PDE6B: variants seen among roughly 807,000 people sequenced by gnomAD.
The protein encoded by PDE6B is rod cGMP-specific 3',5'-cyclic phosphodiesterase subunit beta.
PDE6B carries 106 observed loss-of-function variants against 109.0 expected under a neutral mutation model. That is an observed-to-expected ratio of 0.97 (90% confidence interval 0.83 to 1.14). The LOEUF (loss-of-function observed/expected upper bound fraction) is 1.14, where lower values mean the gene tolerates loss of function less well. Among genes scored for constraint, PDE6B ranks in the 50% most tolerant of loss-of-function variants. The pLI, the probability that PDE6B is intolerant of heterozygous loss-of-function variation, is 0.00. For synonymous variants in PDE6B, 490 were observed against 471.3 expected (o/e 1.04, Z -0.51); for missense variants, 1,193 against 1,155.6 (o/e 1.03, Z -0.47).
chr4:668,476 ATG>A (rs1738059921), intron 21 of PDE6B, among the ~76,000 whole-genome samples: 5 of 132,364 alleles, frequency 3.8e-5, no homozygotes, highest in East Asian at 2.2e-4. Flanking sequence ...CCACTACCCC[ATG>A]CTGCTCCCAC....
Position 663,630 on chromosome 4 carries a change from C to T in PDE6B, c.1921-140C>T. ...CCTGAGGAGGGCCCTGAGCAGCAGGCGGATTAGGGGTCCCGCCCACCGAGG... is the reference window on the plus strand; with the variant it reads ...CCTGAGGAGGGCCCTGAGCAGCAGGTGGATTAGGGGTCCCGCCCACCGAGG... On this transcript the variant is annotated intron_variant, in intron 15 of 21. Coordinates refer to ENST00000496514, the MANE Select transcript of PDE6B (RefSeq NM_000283.4). The surrounding 1 kb of genome is among the most constrained non-coding windows in gnomAD (Gnocchi z 4.0). 1 of 703,208 alleles carries T rather than the reference C, an allele frequency of 1.4e-6. No homozygotes were observed. 43.6% of individuals were successfully genotyped at this position (703,208 alleles called of 1,614,324 possible).
chr4:631,754 T>A (rs1364999212), intron 1 of PDE6B, among the ~76,000 whole-genome samples: 1 of 152,056 alleles, frequency 6.6e-6, no homozygotes, highest in Non-Finnish European at 1.5e-5. Flanking sequence ...TGTGGGTCCA[T>A]GTGGCACCAT....
At chr4:644,171 C>T (rs1735089937) in intron 3 of PDE6B, among the ~76,000 whole-genome samples, 1 of 151,952 alleles carries the variant, frequency 6.6e-6, no homozygotes, top group Non-Finnish European at 1.5e-5. Flanking sequence ...CCCGCCTCGG[C>T]CTCCCAAAGT....
intron 3 of PDE6B, among the ~76,000 whole-genome samples, chr4:645,231 G>T (rs1178016444): frequency 6.6e-6 from 1 of 151,000 alleles, no homozygotes; most frequent in African/African-American, 2.4e-5. Context: ...ATAGGGTCAG[G>T]TCTTAGTTCT....
chr4:669,919 T>C, intron 21 of PDE6B, 127 bp from the exon 22 acceptor site: 1 of 795,618 alleles, frequency 1.3e-6, no homozygotes, highest in South Asian at 1.4e-5. Context: ...CGGCTTGGGC[T>C]GGTCACAGAC....
chr4:646,805 C>T (rs1054074353), intron 3 of PDE6B, among the ~76,000 whole-genome samples: 1 of 152,020 alleles, frequency 6.6e-6, no homozygotes, highest in Non-Finnish European at 1.5e-5. Flanking sequence ...CCATCTGCTC[C>T]GGTGCGCTGC....
chr4:663,959 C>T lies in PDE6B; in HGVS notation c.2021+89C>T. ...CACGGGGGCGCAGCGGCGGCACAGC[C>T]CGGGGGACGCAGCCCCGGATTCCGT... On this transcript the variant is annotated intron_variant, in intron 16 of 21. Transcript: ENST00000496514. The surrounding 1 kb of genome is among the most constrained non-coding windows in gnomAD (Gnocchi z 4.0). 2.0e-5 allele frequency: 22 copies of T among 1,127,040 alleles called. No individual in the cohort carries two copies. The highest frequency in any genetic ancestry group is 2.3e-5 in the Non-Finnish European group (18 of 769,886). 69.8% of individuals were successfully genotyped at this position (1,127,040 alleles called of 1,614,324 possible).
At chr4:653,335 G>C (rs1451298130) in intron 3 of PDE6B, 2 of 1,072,804 alleles carry the variant, frequency 1.9e-6, no homozygotes, top group African/African-American at 3.3e-5. Flanking sequence ...TCTGAGCCTG[G>C]TGGCAGCGCT....
intron 1 of PDE6B, among the ~76,000 whole-genome samples, chr4:629,560 C>T (rs895545226): frequency 1.3e-5 from 2 of 152,260 alleles, no homozygotes; most frequent in African/African-American, 4.8e-5. Flanking sequence ...CCCAAAGGCC[C>T]GTCCCGGGAC....
intron 17 of PDE6B, 43 bp downstream of exon 17, chr4:664,264 G>A: frequency 9.2e-7 from 1 of 1,086,578 alleles, no homozygotes; most frequent in Non-Finnish European, 1.4e-6. Flanking sequence ...TTCCCTCGCA[G>A]GGACCGGGCC....
At chr4:638,409 G>A (rs1051815921) in intron 3 of PDE6B, among the ~76,000 whole-genome samples, 7 of 152,046 alleles carry the variant, frequency 4.6e-5, no homozygotes, top group South Asian at 4.2e-4. Context: ...TGCAACCTCC[G>A]CCTCCCAGGT....
rs901346226 is a variant in PDE6B, at chr4:648,107, A to G, written c.712-5745A>G. ...AAAAAGAAAGAAAGAGCCAAGAGTCAGGCGTATTTGCCCGTTCTGTTGTCT... is the reference window on the plus strand; with the variant it reads ...AAAAAGAAAGAAAGAGCCAAGAGTCGGGCGTATTTGCCCGTTCTGTTGTCT... On this transcript the variant is annotated intron_variant, in intron 3 of 21. Coordinates refer to ENST00000496514, the MANE Select transcript of PDE6B (RefSeq NM_000283.4). This position sits in a 1 kb window ranked among gnomAD's most constrained non-coding sequence, Gnocchi z 4.5. Among the ~76,000 whole-genome samples, 1 of 151,862 alleles carries G rather than the reference A, an allele frequency of 6.6e-6. No homozygotes were observed. Among genetic ancestry groups the G allele is most frequent in the South Asian group, 2.1e-4 (1 of 4,814 alleles).
At position 665,596 on chromosome 4, in the gene PDE6B, C is replaced by T. The variant is rs562540513; in HGVS notation, c.2268+267C>T. On this transcript the variant is annotated intron_variant, in intron 19 of 21. Coordinates refer to ENST00000496514, the MANE Select transcript of PDE6B (RefSeq NM_000283.4). This position sits in a 1 kb window ranked among gnomAD's most constrained non-coding sequence, Gnocchi z 4.0. ...GCTCATCACCAGGAGCCTCTGGGTC[C>T]AGGCAGCTCTGCAGGTGAACCCCAG... Among the ~76,000 whole-genome samples the T allele has an allele frequency of 1.3e-5, 2 of 152,292 alleles. No individual in the cohort carries two copies. Among genetic ancestry groups the T allele is most frequent in the African/African-American group, 4.8e-5 (2 of 41,562 alleles).
intron 5 of PDE6B, 75 bp downstream of exon 5, chr4:654,229 G>T: frequency 1.5e-6 from 2 of 1,349,962 alleles, no homozygotes; most frequent in East Asian, 2.4e-5. Context: ...GGGCAGGAGA[G>T]GGAGGGATAG....
chr4:667,922 T>C lies in PDE6B; in HGVS notation c.2419T>C (p.Trp807Arg), dbSNP rs121918583. The change falls in exon 21 of 22, where the codon TGG becomes CGG. Residue 807 changes from tryptophan to arginine, a missense_variant. Physicochemically the swap from Trp to Arg is moderately radical, Grantham distance 101. Transcript: ENST00000496514. Reference sequence around the variant, plus strand: ...CCGACTGCAGAACAATAGGAAAGAGTGGAAGGCGCTGGCTGATGAGTATGA... The same window carrying C: ...CCGACTGCAGAACAATAGGAAAGAGCGGAAGGCGCTGGCTGATGAGTATGA... Reference protein sequence around the residue: ...FDRLQNNRKEWKALADEYEAK... With the variant: ...FDRLQNNRKERKALADEYEAK... The C allele has an allele frequency of 6.2e-7, 1 of 1,612,576 alleles. No individual in the cohort carries two copies. The highest frequency in any genetic ancestry group is 1.3e-5 in the African/African-American group (1 of 74,550).
intron 6 of PDE6B, chr4:655,671 G>C: frequency 1.8e-6 from 1 of 570,606 alleles, no homozygotes; most frequent in Non-Finnish European, 3.2e-6. Flanking sequence ...AGTAAATGCT[G>C]AGGATGGCAC....
intron 17 of PDE6B, among the ~76,000 whole-genome samples, 156 bp downstream of exon 17, chr4:664,377 T>C (rs543857519): frequency 1.3e-5 from 2 of 152,178 alleles, no homozygotes; most frequent in Non-Finnish European, 2.9e-5. Context: ...TGCGCCGTCC[T>C]TATTTCCCCC....
intron 3 of PDE6B, among the ~76,000 whole-genome samples, chr4:644,325 A>G (rs1007327752): frequency 5.9e-5 from 9 of 151,926 alleles, no homozygotes; most frequent in Non-Finnish European, 1.2e-4. Context: ...ATTGATTTCT[A>G]ATTTAATTGC....
chr4:662,437 C>T lies in PDE6B; in HGVS notation c.1723-72C>T. ...CCAACCTCCAACCCGACGCCTAGGT[C>T]ATCCCAACCCCTCACCACTCCCCAC... On this transcript the variant is annotated intron_variant, in intron 13 of 21. Coordinates refer to ENST00000496514, the MANE Select transcript of PDE6B (RefSeq NM_000283.4). The surrounding 1 kb of genome is among the most constrained non-coding windows in gnomAD (Gnocchi z 4.3). The T allele has an allele frequency of 9.1e-7, 1 of 1,104,540 alleles. No individual in the cohort carries two copies. Among genetic ancestry groups the T allele is most frequent in the Non-Finnish European group, 1.4e-6 (1 of 719,252 alleles). The allele number at this position is 1,104,540 out of a possible 1,614,324, so 68.4% of individuals were successfully genotyped here.
Sources: allele counts gnomAD v4.1 joint callset (sites outside exome capture counted in the v4.1 genomes callset), GRCh38; gene constraint gnomAD v4.1.1; non-coding constraint Gnocchi (gnomAD v3.1); transcripts MANE v1.5; gene names NCBI Gene and HGNC (gene_info 2026-07-23, HGNC 2026-07-21).